The following MED12L variants were observed in gnomAD, a reference collection of about 807,000 sequenced individuals.
MED12L encodes mediator of RNA polymerase II transcription subunit 12-like protein.
A neutral mutation model predicts 281.3 loss-of-function variants in MED12L; 60 were observed. The ratio of observed to expected loss-of-function variants is 0.21; its 90% CI spans 0.17 to 0.26. The LOEUF is 0.26. Among genes scored for constraint, MED12L ranks in the 10% least tolerant of loss-of-function variants. The pLI, the probability that MED12L is intolerant of heterozygous loss-of-function variation, is 1.00. For missense variants in MED12L, 2,146 were observed against 2,680.9 expected (o/e 0.80, Z 4.41); for synonymous variants, 974 against 987.2 (o/e 0.99, Z 0.25).
chr3:151,196,037 G>C (rs181234890), intron 16 of MED12L, among the ~76,000 whole-genome samples: 137 of 152,242 alleles, frequency 9.0e-4, no homozygotes, highest in African/African-American at 2.8e-3. Flanking sequence ...CAGGTGTCTG[G>C]GTGTCAGAGC....
chr3:151,282,064 A>G (rs1742889301), intron 16 of MED12L, among the ~76,000 whole-genome samples: 1 of 152,188 alleles, frequency 6.6e-6, no homozygotes, highest in African/African-American at 2.4e-5. Flanking sequence ...TTTTCTTTAA[A>G]GTAAGTACAG....
intron 11 of MED12L, among the ~76,000 whole-genome samples, chr3:151,179,675 G>C (rs747747077): frequency 4.6e-5 from 7 of 152,160 alleles, no homozygotes; most frequent in Non-Finnish European, 7.3e-5. Flanking sequence ...TAGGACTTGG[G>C]ATTTACTGCT....
In MED12L at chr3:151,436,518, T is replaced by G. The variant is rs1720242242; in HGVS notation, c.*3714T>G. ...TTTTGAGATCCATTAAATAAATCAG[T>G]ATCATCAGTTCATAATGCATTTATT... On this transcript the variant is annotated 3_prime_UTR_variant, in exon 45 of 45. Coordinates refer to ENST00000687756, the MANE Select transcript of MED12L (RefSeq NM_001393769.1). The G allele has an allele frequency of 3.8e-6, 2 of 522,658 alleles. No homozygotes were observed. Among genetic ancestry groups the G allele is most frequent in the Non-Finnish European group, 3.3e-6 (1 of 302,928 alleles). 32.4% of individuals were successfully genotyped at this position (522,658 alleles called of 1,614,324 possible). A position where few individuals can be genotyped will look rare whatever the true frequency, so the allele number is the denominator to read the frequency against.
intron 16 of MED12L, among the ~76,000 whole-genome samples, chr3:151,277,298 A>G (rs867676480): frequency 6.6e-6 from 1 of 151,862 alleles, no homozygotes; most frequent in Admixed American, 6.6e-5. Context: ...GCATGTTTGT[A>G]TATATAGTAT....
At chr3:151,355,291 A>G (rs760153712) in intron 18 of MED12L, 52 bp downstream of exon 18, 8 of 1,345,836 alleles carry the variant, frequency 5.9e-6, no homozygotes, top group Non-Finnish European at 8.3e-6. Flanking sequence ...AATTTACTTA[A>G]AAATTTTTTT....
chr3:151,088,986 TG>T (rs1181556513), intron 2 of MED12L, among the ~76,000 whole-genome samples: 1 of 152,170 alleles, frequency 6.6e-6, no homozygotes, highest in Non-Finnish European at 1.5e-5. Context: ...ATGGAACAGG[TG>T]CTTGGCTGTT....
chr3:151,376,950 G>A, intron 29 of MED12L, 41 bp from the exon 30 acceptor site: 1 of 1,610,108 alleles, frequency 6.2e-7, no homozygotes, highest in Non-Finnish European at 8.5e-7. Context: ...TGAGGATAAA[G>A]GAATACACAT....
At chr3:151,149,078 G>T (rs1437489594) in intron 5 of MED12L, among the ~76,000 whole-genome samples, 1 of 152,170 alleles carries the variant, frequency 6.6e-6, no homozygotes, top group Non-Finnish European at 1.5e-5. Flanking sequence ...GAGGGAACTT[G>T]ATTTGGTAGT....
At chr3:151,379,967 G>T in intron 31 of MED12L, 146 bp from the exon 32 acceptor site, 1 of 541,254 alleles carries the variant, frequency 1.8e-6, no homozygotes, top group Non-Finnish European at 3.2e-6. Flanking sequence ...TTTATAAGTA[G>T]AGGTATGATT....
intron 16 of MED12L, among the ~76,000 whole-genome samples, chr3:151,291,758 A>G (rs376441875): frequency 2.6e-5 from 4 of 152,250 alleles, no homozygotes; most frequent in East Asian, 3.9e-4. Context: ...GCTCATGTAA[A>G]TGATTCATTT....
intron 3 of MED12L, among the ~76,000 whole-genome samples, chr3:151,118,706 A>G (rs1174752704): frequency 6.7e-6 from 1 of 149,632 alleles, no homozygotes; most frequent in South Asian, 2.1e-4. Flanking sequence ...CCCAAACCAG[A>G]TCTACAAGGT....
Position 151,433,895 on chromosome 3 carries a change from A to G in MED12L, c.*1091A>G, listed in dbSNP as rs575528470. On this transcript the variant is annotated 3_prime_UTR_variant, in exon 45 of 45. Coordinates refer to ENST00000687756, the MANE Select transcript of MED12L (RefSeq NM_001393769.1). ...ATTTATAAATTGGTGCAAAAAGCAC[A>G]AGTAAATTATACATCAAATTTATTA... 3.9e-5 allele frequency: 6 copies of G among 152,820 alleles called. No homozygotes were observed. The highest frequency in any genetic ancestry group is 2.0e-4 in the Admixed American group (3 of 15,306). 9.5% of individuals were successfully genotyped at this position (152,820 alleles called of 1,614,324 possible).
rs1214354046 is a variant in MED12L, at chr3:151,194,768, TAAA to T, written c.2250+1105_2250+1107del. 3.9e-5 allele frequency among the ~76,000 whole-genome samples: 6 copies of T among 152,342 alleles called. No individual in the cohort carries two copies. The East Asian group carries it at 1.2e-3, about 29-fold the overall frequency. On this transcript the variant is annotated intron_variant, in intron 16 of 44. Coordinates refer to ENST00000687756, the MANE Select transcript of MED12L (RefSeq NM_001393769.1). ...ATAAAAATTGGGTCAAAATTTGAAATAAAAAGTTTATTCTTGGCTTCACTAACT... is the reference window on the plus strand; with the variant it reads ...ATAAAAATTGGGTCAAAATTTGAAATAAGTTTATTCTTGGCTTCACTAACT...
At chr3:151,305,787 A>T (rs973498567) in intron 16 of MED12L, among the ~76,000 whole-genome samples, 15 of 152,192 alleles carry the variant, frequency 9.9e-5, no homozygotes, top group Admixed American at 8.5e-4. Context: ...TGTTTTCTCC[A>T]TCAAGCTTGT....
intron 27 of MED12L, among the ~76,000 whole-genome samples, chr3:151,374,262 C>A (rs796751464): frequency 3.9e-5 from 6 of 152,260 alleles, no homozygotes; most frequent in African/African-American, 1.4e-4. Flanking sequence ...AAAATGTACA[C>A]TAGGCTAGGG....
In MED12L at chr3:151,123,774, G is replaced by C. The variant is rs1465029911; in HGVS notation, c.396+800G>C. 2.6e-5 allele frequency among the ~76,000 whole-genome samples: 4 copies of C among 152,100 alleles called. No individual in the cohort carries two copies. The East Asian group carries it at 7.7e-4, about 29-fold the overall frequency. Reference sequence around the variant, plus strand: ...AAGTTTTCCTTACCAGCTTGGTACAGGCCCAGTTTATAGGGGAGCTCTTTT... The same window carrying C: ...AAGTTTTCCTTACCAGCTTGGTACACGCCCAGTTTATAGGGGAGCTCTTTT... On this transcript the variant is annotated intron_variant, in intron 4 of 44. Coordinates refer to ENST00000687756, the MANE Select transcript of MED12L (RefSeq NM_001393769.1).
intron 42 of MED12L, among the ~76,000 whole-genome samples, chr3:151,415,126 T>C (rs545119749): frequency 1.7e-4 from 26 of 152,356 alleles, no homozygotes; most frequent in Non-Finnish European, 3.5e-4. Context: ...TTAAATCTTA[T>C]GTTGGTGTTT....
chr3:151,345,875 T>C (rs537011413), intron 16 of MED12L, among the ~76,000 whole-genome samples: 5 of 152,154 alleles, frequency 3.3e-5, no homozygotes, highest in African/African-American at 4.8e-5. Context: ...TCTTGAAAAA[T>C]AGTAGCTTCT....
chr3:151,400,258 TC>T (rs774133868), intron 39 of MED12L, among the ~76,000 whole-genome samples: 1 of 152,234 alleles, frequency 6.6e-6, no homozygotes, highest in Admixed American at 6.5e-5. Context: ...ATTTTTTCTT[TC>T]AGTATATTAA....
Sources: allele counts gnomAD v4.1 joint callset (sites outside exome capture counted in the v4.1 genomes callset), GRCh38; gene constraint gnomAD v4.1.1; transcripts MANE v1.5; gene names NCBI Gene and HGNC (gene_info 2026-07-23, HGNC 2026-07-21).